Variants in CWC27 observed in about 807,000 individuals in gnomAD.
CWC27 encodes CWC27 spliceosome associated cyclophilin.
In CWC27, 47 loss-of-function variants were observed where a neutral mutation model predicts 63.6. The observed-to-expected ratio is 0.74, with a 90% CI of 0.58 to 0.94. The LOEUF (loss-of-function observed/expected upper bound fraction) is 0.94. Ranked by LOEUF, CWC27 falls within the 40% of genes least tolerant of loss-of-function variation. The pLI is 0.00. For missense variants in CWC27, 495 were observed against 554.3 expected (o/e 0.89, Z 1.07); for synonymous variants, 175 against 179.8 (o/e 0.97, Z 0.22).
At chr5:64,874,823 C>G (rs1313157076) in intron 10 of CWC27, among the ~76,000 whole-genome samples, 2 of 151,054 alleles carry the variant, frequency 1.3e-5, no homozygotes, top group Non-Finnish European at 2.9e-5. Context: ...TTCAGCACTT[C>G]TATGTGTTGA....
chr5:64,870,761 A>G (rs1028281450), intron 10 of CWC27, among the ~76,000 whole-genome samples: 1 of 152,162 alleles, frequency 6.6e-6, no homozygotes, highest in Non-Finnish European at 1.5e-5. Context: ...ATTGCATTCT[A>G]CAGAGCTAGC....
At chr5:64,805,395 ATAGAC>A (rs1744633668) in intron 10 of CWC27, among the ~76,000 whole-genome samples, 1 of 151,582 alleles carries the variant, frequency 6.6e-6, no homozygotes, top group Admixed American at 6.6e-5. Flanking sequence ...AGTAGCTAAT[ATAGAC>A]TAAAGATTTT....
At chr5:64,898,993 A>G (rs894790794) in intron 11 of CWC27, among the ~76,000 whole-genome samples, 3 of 152,166 alleles carry the variant, frequency 2.0e-5, no homozygotes, top group African/African-American at 7.2e-5. Flanking sequence ...TACTGAAATC[A>G]CATGGCCATA....
In CWC27 at chr5:64,911,072, T is replaced by C. The variant is rs541438821; in HGVS notation, c.1042+25526T>C. Among the ~76,000 whole-genome samples the C allele has an allele frequency of 5.9e-5, 9 of 152,330 alleles. No homozygotes were observed. In the East Asian group the frequency reaches 1.7e-3, roughly 29 times the overall value. On this transcript the variant is annotated intron_variant, in intron 11 of 13. Coordinates refer to ENST00000381070, the MANE Select transcript of CWC27 (RefSeq NM_005869.4). ...AGATGCAGACCAGAGCTGTTCCTAT[T>C]CGGCCATCTTGGAACAGACAGCACT...
At chr5:64,967,443 G>A (rs1257553235) in intron 11 of CWC27, among the ~76,000 whole-genome samples, 2 of 151,900 alleles carry the variant, frequency 1.3e-5, no homozygotes, top group Admixed American at 6.6e-5. Flanking sequence ...AATTTATATG[G>A]AAAGGCAAAG....
At chr5:65,000,916 A>G (rs1166995778) in intron 13 of CWC27, among the ~76,000 whole-genome samples, 1 of 152,120 alleles carries the variant, frequency 6.6e-6, no homozygotes, top group Non-Finnish European at 1.5e-5. Context: ...TGTTTTGAAT[A>G]GTATGGTCAT....
At chr5:64,988,512 A>G (rs979346008) in intron 13 of CWC27, among the ~76,000 whole-genome samples, 5 of 151,836 alleles carry the variant, frequency 3.3e-5, no homozygotes, top group Non-Finnish European at 5.9e-5. Context: ...TTTCAATCTT[A>G]GTCTTGTTCT....
intron 13 of CWC27, among the ~76,000 whole-genome samples, chr5:65,016,808 G>A (rs1434677425): frequency 6.6e-6 from 1 of 152,148 alleles, no homozygotes; most frequent in East Asian, 1.9e-4. Flanking sequence ...CTGCTGTAGA[G>A]AGAAAAGAGT....
chr5:65,004,387 T>C (rs1749788863), intron 13 of CWC27, among the ~76,000 whole-genome samples: 1 of 127,008 alleles, frequency 7.9e-6, no homozygotes, highest in South Asian at 2.7e-4. Flanking sequence ...GCTTTTTTTT[T>C]TTTTTTTTTT....
rs142090213 is a variant in CWC27 at position 64,927,025 on chromosome 5, A to G, written c.1042+41479A>G. Among the ~76,000 whole-genome samples, 309 of 152,360 alleles carry G rather than the reference A, an allele frequency of 2.0e-3. 2 individuals are homozygous for G. The highest frequency in any genetic ancestry group is 7.2e-3 in the African/African-American group (300 of 41,592). The stretch of plus-strand genomic sequence containing the variant: ...AATAGAATGTGTATATATCATCACA[A>G]ATGTACATATTTCTAATCCAGATTT... On this transcript the variant is annotated intron_variant, in intron 11 of 13. Coordinates refer to ENST00000381070, the MANE Select transcript of CWC27 (RefSeq NM_005869.4).
chr5:64,998,900 C>T (rs1402687051), intron 13 of CWC27, among the ~76,000 whole-genome samples: 1 of 151,714 alleles, frequency 6.6e-6, no homozygotes, highest in African/African-American at 2.4e-5. Context: ...TTTGTATCTG[C>T]ATTTTTCTCT....
At chr5:64,825,211 T>C (rs1745327181) in intron 10 of CWC27, among the ~76,000 whole-genome samples, 2 of 152,186 alleles carry the variant, frequency 1.3e-5, no homozygotes. Context: ...AGACCGTATG[T>C]TGCAATGGAA....
rs1750092143 is a variant in CWC27 at position 65,018,573 on chromosome 5, T to G, written c.*252T>G. 3.5e-6 allele frequency: 1 copy of G among 285,392 alleles called. No homozygotes were observed. Among genetic ancestry groups the G allele is most frequent in the Non-Finnish European group, 6.5e-6 (1 of 154,782 alleles). 17.7% of individuals were successfully genotyped at this position (285,392 alleles called of 1,614,324 possible). A position where few individuals can be genotyped will look rare whatever the true frequency, so the allele number is the denominator to read the frequency against. On this transcript the variant is annotated 3_prime_UTR_variant, in exon 14 of 14. Coordinates refer to ENST00000381070, the MANE Select transcript of CWC27 (RefSeq NM_005869.4). ...AAATCTGAAATAAAATAACTTTCCT[T>G]CCACATTACATGTTAACCATTGCAG... is the stretch of plus-strand genomic sequence containing the variant.
intron 10 of CWC27, among the ~76,000 whole-genome samples, chr5:64,863,838 A>G (rs1746474889): frequency 6.6e-6 from 1 of 152,158 alleles, no homozygotes. Flanking sequence ...CTATGAAGTA[A>G]TACTTTGATA....
At chr5:65,004,951 G>T (rs891935994) in intron 13 of CWC27, among the ~76,000 whole-genome samples, 3 of 142,652 alleles carry the variant, frequency 2.1e-5, no homozygotes, top group African/African-American at 7.8e-5. Context: ...GTTGGGTAGG[G>T]TGCTTCAGCT....
intron 11 of CWC27, among the ~76,000 whole-genome samples, chr5:64,970,361 C>CT (rs1749100080): frequency 6.6e-6 from 1 of 151,820 alleles, no homozygotes; most frequent in South Asian, 2.1e-4. Flanking sequence ...TACAGGCGCC[C>CT]GCCACCACGC....
intron 10 of CWC27, chr5:64,807,659 A>G (rs1744732618): frequency 1.3e-6 from 2 of 1,535,820 alleles, no homozygotes; most frequent in Admixed American, 2.0e-5. Flanking sequence ...TCACACAGGC[A>G]TATACAAGCT....
intron 1 of CWC27, among the ~76,000 whole-genome samples, chr5:64,770,673 G>A (rs1037204533): frequency 6.6e-6 from 1 of 152,148 alleles, no homozygotes; most frequent in African/African-American, 2.4e-5. Flanking sequence ...GCAGAGACAA[G>A]CATCTGGAAC....
intron 10 of CWC27, among the ~76,000 whole-genome samples, chr5:64,856,504 A>T (rs1253009823): frequency 1.3e-5 from 2 of 151,048 alleles, no homozygotes; most frequent in African/African-American, 2.4e-5. Flanking sequence ...GTAGTTCCCA[A>T]ATTTTAATCT....
Sources: allele counts gnomAD v4.1 joint callset (sites outside exome capture counted in the v4.1 genomes callset), GRCh38; gene constraint gnomAD v4.1.1; transcripts MANE v1.5; gene names NCBI Gene and HGNC (gene_info 2026-07-23, HGNC 2026-07-21).